The following COL6A6 variants were observed in gnomAD, a reference collection of about 807,000 sequenced individuals.
The protein encoded by COL6A6 is collagen alpha-6(VI) chain.
COL6A6 carries 183 observed loss-of-function variants against 208.6 expected under a neutral mutation model. The observed-to-expected ratio is 0.88, with a 90% CI of 0.78 to 0.99. The LOEUF (loss-of-function observed/expected upper bound fraction) is 0.99, where lower values mean the gene tolerates loss of function less well. Among genes scored for constraint, COL6A6 ranks in the 50% least tolerant of loss-of-function variants. The probability of loss-of-function intolerance (pLI) is 0.00; values close to 1 mark genes in which losing one functional copy is unlikely to be tolerated. For synonymous variants in COL6A6, 973 were observed against 1,011.8 expected, an observed-to-expected ratio of 0.96 and a Z score of 0.73; for missense variants, 2,816 against 2,815.2, an observed-to-expected ratio of 1.00 and a Z score of -0.01.
At chr3:130,670,292 T>G (rs2066179850) in intron 36 of COL6A6, among the ~76,000 whole-genome samples, 1 of 152,128 alleles carries the variant, frequency 6.6e-6, no homozygotes, top group African/African-American at 2.4e-5. Flanking sequence ...GAGGGTACAT[T>G]AAAGCTGGTG....
intron 28 of COL6A6, among the ~76,000 whole-genome samples, chr3:130,638,440 A>T (rs866760198): frequency 6.6e-6 from 1 of 152,148 alleles, no homozygotes; most frequent in Non-Finnish European, 1.5e-5. Flanking sequence ...GACCCACCTG[A>T]TGGAGGTTCG....
intron 1 of COL6A6, among the ~76,000 whole-genome samples, chr3:130,550,911 A>C (rs536770662): frequency 1.3e-5 from 2 of 152,330 alleles, no homozygotes; most frequent in Non-Finnish European, 2.9e-5. Flanking sequence ...CCATCTATTG[A>C]GATAATCATG....
Position 130,608,921 on chromosome 3 carries a change from G to A in COL6A6, c.4709G>A (p.Gly1570Glu). 1 of 1,613,480 alleles carries A rather than the reference G, an allele frequency of 6.2e-7. No individual in the cohort carries two copies. The highest frequency in any genetic ancestry group is 8.5e-7 in the Non-Finnish European group (1 of 1,179,670). The change falls in exon 22 of 37, where the codon GGA (glycine) becomes GAA (glutamate). Residue 1570 changes from glycine to glutamate, a missense_variant. Coordinates refer to ENST00000358511, the MANE Select transcript of COL6A6 (RefSeq NM_001102608.3). Reference protein sequence around the residue: ...TGPQGTAGIPGPDGLEGSLGL... With the variant: ...TGPQGTAGIPEPDGLEGSLGL... Reference sequence around the variant, plus strand: ...CCACAGGGAACAGCAGGCATCCCAGGACCAGATGGACTTGAAGGCTCCCTG... The same window carrying A: ...CCACAGGGAACAGCAGGCATCCCAGAACCAGATGGACTTGAAGGCTCCCTG...
chr3:130,552,195 G>C (rs556696780), intron 1 of COL6A6, among the ~76,000 whole-genome samples: 59 of 152,146 alleles, frequency 3.9e-4, no homozygotes, highest in African/African-American at 1.4e-3. Flanking sequence ...GAATATTTTT[G>C]TTTTCTGCTT....
chr3:130,586,225 T>C (rs2108030910), intron 10 of COL6A6, among the ~76,000 whole-genome samples: 1 of 152,362 alleles, frequency 6.6e-6, no homozygotes, highest in South Asian at 2.1e-4. Flanking sequence ...GCATGCTCTG[T>C]AGATCTTTTA....
At chr3:130,636,387 G>T (rs979126387) in intron 28 of COL6A6, among the ~76,000 whole-genome samples, 1 of 152,136 alleles carries the variant, frequency 6.6e-6, no homozygotes, top group Admixed American at 6.5e-5. Flanking sequence ...TGGATTTCTT[G>T]CATTTGCTGA....
intron 1 of COL6A6, among the ~76,000 whole-genome samples, chr3:130,522,205 A>T (rs1711114056): frequency 6.6e-6 from 1 of 152,192 alleles, no homozygotes; most frequent in African/African-American, 2.4e-5. Flanking sequence ...TTTTGTCTGT[A>T]GCTAATACTG....
intron 3 of COL6A6, 91 bp from the exon 4 acceptor site, chr3:130,564,903 G>C: frequency 2.1e-6 from 3 of 1,396,612 alleles, no homozygotes; most frequent in Non-Finnish European, 2.9e-6. Flanking sequence ...GCATAACTGA[G>C]CTCTGCTGTA....
chr3:130,669,087 T>A (rs1436567529), intron 36 of COL6A6, among the ~76,000 whole-genome samples: 1 of 152,140 alleles, frequency 6.6e-6, no homozygotes, highest in African/African-American at 2.4e-5. Context: ...CACAATGCAA[T>A]TAAGTTAGAA....
chr3:130,614,548 C>G (rs768186469), intron 23 of COL6A6, among the ~76,000 whole-genome samples: 1 of 152,190 alleles, frequency 6.6e-6, no homozygotes, highest in African/African-American at 2.4e-5. Context: ...AGAAGTCCCT[C>G]TACCTCACCT....
In COL6A6 at chr3:130,563,159, A is replaced by G. The variant is rs1211714611; in HGVS notation, c.156A>G (p.Lys52=). ...CATTTGTGAAAATGTTCATCACCAA[A>G]ATGATCAGCAGTCTCCCCATAGAGG... ...SFPFVKMFIT[K]MISSLPIEAD... The change falls in exon 3 of 37, where the codon AAA becomes AAG. Residue 52 remains lysine, a synonymous_variant. Transcript: ENST00000358511. 6.2e-7 allele frequency: 1 copy of G among 1,613,872 alleles called. No individual in the cohort carries two copies. Among genetic ancestry groups the G allele is most frequent in the Non-Finnish European group, 8.5e-7 (1 of 1,179,914 alleles).
In COL6A6 at chr3:130,641,703, C is replaced by G. The variant is rs762883095; in HGVS notation, c.5143C>G (p.Pro1715Ala). The G allele has an allele frequency of 4.3e-5, 68 of 1,593,964 alleles. No homozygotes were observed. Among genetic ancestry groups the G allele is most frequent in the Non-Finnish European group, 5.3e-5 (62 of 1,163,528 alleles). The change falls in exon 29 of 37, where the codon CCT becomes GCT. Residue 1715 changes from proline to alanine, a missense_variant. Transcript: ENST00000358511. ...GGGATCCCCTGGGGAACCAGGACCT[C>G]CTGGACGTAAGGTAAGTAGAAAAAC... The part of the protein sequence containing the change: ...EMGSPGEPGP[P>A]GRKGVKGAKG...
At chr3:130,521,351 A>G (rs1711058724) in intron 1 of COL6A6, among the ~76,000 whole-genome samples, 1 of 152,256 alleles carries the variant, frequency 6.6e-6, no homozygotes, top group African/African-American at 2.4e-5. Flanking sequence ...TAAGCAAGTC[A>G]CAGTCATATT....
intron 1 of COL6A6, among the ~76,000 whole-genome samples, chr3:130,519,582 G>A (rs1237318464): frequency 2.0e-5 from 3 of 152,060 alleles, no homozygotes; most frequent in African/African-American, 7.3e-5. Context: ...TAAAGTATAA[G>A]GTAGATTAGC....
At chr3:130,521,069 C>T (rs557575049) in intron 1 of COL6A6, among the ~76,000 whole-genome samples, 1 of 152,254 alleles carries the variant, frequency 6.6e-6, no homozygotes, top group East Asian at 1.9e-4. Context: ...AATAAATATA[C>T]ATGTAACCAT....
chr3:130,647,110 C>T (rs1193702725), intron 32 of COL6A6, among the ~76,000 whole-genome samples: 1 of 152,088 alleles, frequency 6.6e-6, no homozygotes, highest in Non-Finnish European at 1.5e-5. Context: ...AGTGTGAGGT[C>T]ACAGAGCCAT....
intron 1 of COL6A6, among the ~76,000 whole-genome samples, chr3:130,535,259 A>G (rs1004029178): frequency 1.3e-5 from 2 of 152,140 alleles, no homozygotes; most frequent in African/African-American, 4.8e-5. Context: ...TAAATGTTCT[A>G]TATAAAACAC....
Position 130,524,074 on chromosome 3 carries a change from C to T in COL6A6, c.-32+6677C>T, listed in dbSNP as rs533382825. On this transcript the variant is annotated intron_variant, in intron 1 of 36. Transcript: ENST00000358511. The stretch of plus-strand genomic sequence containing the variant: ...ATTAAGCACCTAATCTTTGAGCCTC[C>T]GGGGAACTGTCATCAAAATGCTCAG... Among the ~76,000 whole-genome samples, 7 of 152,246 alleles carry T rather than the reference C, an allele frequency of 4.6e-5. No individual in the cohort carries two copies. In the South Asian group the frequency reaches 8.3e-4, roughly 18 times the overall value.
chr3:130,661,927 A>C lies in COL6A6; in HGVS notation c.6121A>C (p.Lys2041Gln). 1 of 1,614,022 alleles carries C rather than the reference A, an allele frequency of 6.2e-7. No homozygotes were observed. Among genetic ancestry groups the C allele is most frequent in the Non-Finnish European group, 8.5e-7 (1 of 1,179,890 alleles). Reference sequence around the variant, plus strand: ...GTTCAATCTTACCACCTACAGAAGTAAGCGCCTCATGAAGAGGCATGTGCA... The same window carrying C: ...GTTCAATCTTACCACCTACAGAAGTCAGCGCCTCATGAAGAGGCATGTGCA... ...AEFNLTTYRS[K>Q]RLMKRHVHES... Residue 2041 changes from lysine to glutamine, a missense_variant, in exon 35 of 37, where the codon AAG becomes CAG. Lys to Gln is a moderately conservative substitution (Grantham distance 53). Transcript: ENST00000358511.
Sources: gnomAD v4.1 joint callset for allele counts (sites outside exome capture counted in the v4.1 genomes callset) on GRCh38, gnomAD v4.1.1 for gene constraint, MANE v1.5 for transcripts, NCBI Gene and HGNC (gene_info 2026-07-23, HGNC 2026-07-21) for gene names.